The following SESN3 variants were observed in gnomAD, a reference collection of about 807,000 sequenced individuals.
The protein encoded by SESN3 is sestrin-3.
A neutral mutation model predicts 55.3 loss-of-function variants in SESN3; 21 were observed. The ratio of observed to expected loss-of-function variants is 0.38; its 90% confidence interval spans 0.27 to 0.55. SESN3 has a LOEUF of 0.55. SESN3 is among the 20% of genes least tolerant of loss of function. The probability of loss-of-function intolerance (pLI) is 0.76; values close to 1 mark genes in which losing one functional copy is unlikely to be tolerated. For synonymous variants in SESN3, 181 were observed against 203.1 expected, an observed-to-expected ratio of 0.89 and a Z score of 0.93; for missense variants, 408 against 604.3, an observed-to-expected ratio of 0.68 and a Z score of 3.41.
chr11:95,217,657 A>AG (rs1214355027), intron 1 of SESN3, among the ~76,000 whole-genome samples: 1 of 151,722 alleles, frequency 6.6e-6, no homozygotes, highest in Non-Finnish European at 1.5e-5. Flanking sequence ...CGTTTAAAAA[A>AG]AAAAAAAAAA....
At chr11:95,183,681 C>CAAA (rs34308912) in intron 6 of SESN3, among the ~76,000 whole-genome samples, 1 of 93,238 alleles carries the variant, frequency 1.1e-5, no homozygotes, top group African/African-American at 4.1e-5. Context: ...GACTCTGTCT[C>CAAA]AAAAAAAAAA....
intron 8 of SESN3, among the ~76,000 whole-genome samples, chr11:95,176,116 T>G (rs867711537): frequency 6.6e-6 from 1 of 152,010 alleles, no homozygotes; most frequent in Admixed American, 6.6e-5. Flanking sequence ...AATCACTGAG[T>G]CCCATGCTGC....
chr11:95,219,525 C>G (rs1860821136), intron 1 of SESN3, among the ~76,000 whole-genome samples: 1 of 152,292 alleles, frequency 6.6e-6, no homozygotes, highest in Non-Finnish European at 1.5e-5. Flanking sequence ...TGCCACCCCA[C>G]TTAAAATTCA....
At chr11:95,229,889 T>C (rs1861019128) in intron 1 of SESN3, among the ~76,000 whole-genome samples, 1 of 152,216 alleles carries the variant, frequency 6.6e-6, no homozygotes, top group Non-Finnish European at 1.5e-5. Context: ...AATAAACTGA[T>C]TATAATATTA....
At chr11:95,216,079 C>T (rs1860749923) in intron 1 of SESN3, among the ~76,000 whole-genome samples, 1 of 120,326 alleles carries the variant, frequency 8.3e-6, no homozygotes, top group Admixed American at 1.1e-4. Context: ...GCCTGGGCAA[C>T]AGAGAGAGAC....
At chr11:95,182,658 G>A (rs1860078068) in intron 6 of SESN3, among the ~76,000 whole-genome samples, 1 of 152,190 alleles carries the variant, frequency 6.6e-6, no homozygotes, top group Non-Finnish European at 1.5e-5. Context: ...CAGACTGGTT[G>A]TTTTATAGAC....
intron 1 of SESN3, among the ~76,000 whole-genome samples, chr11:95,218,194 C>T (rs565518474): frequency 6.6e-6 from 1 of 152,310 alleles, no homozygotes; most frequent in African/African-American, 2.4e-5. Flanking sequence ...CAATTACTTA[C>T]TATAGAAGAA....
At chr11:95,206,886 C>T (rs1367171919) in intron 1 of SESN3, among the ~76,000 whole-genome samples, 1 of 152,058 alleles carries the variant, frequency 6.6e-6, no homozygotes, top group East Asian at 1.9e-4. Context: ...ACCTCCACCT[C>T]CCGGGTTCAA....
At chr11:95,208,412 A>G (rs1860589174) in intron 1 of SESN3, among the ~76,000 whole-genome samples, 1 of 151,462 alleles carries the variant, frequency 6.6e-6, no homozygotes, top group African/African-American at 2.4e-5. Flanking sequence ...CAAGAATGTA[A>G]TCTCCAAAAA....
intron 4 of SESN3, among the ~76,000 whole-genome samples, chr11:95,186,777 AT>A (rs1440059707): frequency 6.6e-6 from 1 of 151,896 alleles, no homozygotes; most frequent in South Asian, 2.1e-4. Flanking sequence ...TAAGACAAAA[AT>A]ATCATTATTA....
intron 6 of SESN3, among the ~76,000 whole-genome samples, chr11:95,181,440 A>G (rs1860056963): frequency 6.6e-6 from 1 of 152,104 alleles, no homozygotes; most frequent in Admixed American, 6.5e-5. Flanking sequence ...AGAAGTTAAA[A>G]TTAGCATTCT....
chr11:95,227,566 A>G (rs1309060208), intron 1 of SESN3, among the ~76,000 whole-genome samples: 1 of 152,236 alleles, frequency 6.6e-6, no homozygotes, highest in Non-Finnish European at 1.5e-5. Context: ...AAAGATGTCA[A>G]AATATATGAT....
At position 95,171,503 on chromosome 11, in the gene SESN3, A is replaced by G. The variant is rs1201071559; in HGVS notation, c.*1752T>C. 1 of 152,282 alleles carries G rather than the reference A, an allele frequency of 6.6e-6. No individual in the cohort carries two copies. The highest frequency in any genetic ancestry group is 2.4e-5 in the African/African-American group (1 of 41,574). The allele number at this position is 152,282 out of a possible 1,614,324, so 9.4% of individuals were successfully genotyped here. ...CTGGAACAAAATCTAAAAGAAAGCA[A>G]CCCAATATATTGTACCAGAGGAGGA... On this transcript the variant is annotated 3_prime_UTR_variant, in exon 10 of 10. Coordinates refer to ENST00000536441, the MANE Select transcript of SESN3 (RefSeq NM_144665.4).
At chr11:95,197,537 C>T (rs144873722) in intron 1 of SESN3, among the ~76,000 whole-genome samples, 2,173 of 151,804 alleles carry the variant, frequency 0.014, 25 homozygotes, top group Middle Eastern at 0.034. Context: ...CTCTGCCTCC[C>T]GGGCTCAAGC....
chr11:95,190,007 A>G (rs1359602362), intron 3 of SESN3, 46 bp from the exon 4 acceptor site: 1 of 1,408,186 alleles, frequency 7.1e-7, no homozygotes, highest in Non-Finnish European at 9.7e-7. Flanking sequence ...ATCACAGTAG[A>G]GTTTCTTTCC....
At chr11:95,186,377 C>T (rs1346062922) in intron 4 of SESN3, among the ~76,000 whole-genome samples, 2 of 151,862 alleles carry the variant, frequency 1.3e-5, no homozygotes, top group Non-Finnish European at 2.9e-5. Context: ...TGCTTTACTA[C>T]CCACTATTTA....
At chr11:95,220,144 G>A (rs1860832608) in intron 1 of SESN3, among the ~76,000 whole-genome samples, 1 of 151,978 alleles carries the variant, frequency 6.6e-6, no homozygotes, top group African/African-American at 2.4e-5. Flanking sequence ...ACAGTCCAAG[G>A]GTTTCTTTGC....
chr11:95,187,101 A>G (rs1396347987), intron 4 of SESN3, among the ~76,000 whole-genome samples: 1 of 151,964 alleles, frequency 6.6e-6, no homozygotes. Flanking sequence ...CCTGTATATC[A>G]ACAGATGTAT....
intron 5 of SESN3, among the ~76,000 whole-genome samples, chr11:95,184,824 T>G (rs1860133004): frequency 6.6e-6 from 1 of 152,046 alleles, no homozygotes; most frequent in Admixed American, 6.6e-5. Flanking sequence ...TATATGTGTG[T>G]GCATAAAATC....
Sources: gnomAD v4.1 joint callset for allele counts (sites outside exome capture counted in the v4.1 genomes callset) on GRCh38, gnomAD v4.1.1 for gene constraint, MANE v1.5 for transcripts, NCBI Gene and HGNC (gene_info 2026-07-23, HGNC 2026-07-21) for gene names.